Variants in EPHA6 observed in about 807,000 individuals in gnomAD.
EPHA6 encodes the protein EPH receptor A6, also known as ephrin type-A receptor 6.
EPHA6 carries 50 observed loss-of-function variants against 112.0 expected under a neutral mutation model. That is an observed-to-expected ratio of 0.45 (90% CI 0.36 to 0.56). The LOEUF (loss-of-function observed/expected upper bound fraction) is 0.56, where lower values mean the gene tolerates loss of function less well. Among genes scored for constraint, EPHA6 ranks in the 20% least tolerant of loss-of-function variants. The pLI is 0.00. For missense variants in EPHA6, 1,280 were observed against 1,417.4 expected (o/e 0.90, Z 1.56); for synonymous variants, 529 against 490.7 (o/e 1.08, Z -1.03).
intron 3 of EPHA6, among the ~76,000 whole-genome samples, chr3:97,016,327 CT>C (rs1031351189): frequency 1.3e-5 from 2 of 152,090 alleles, no homozygotes; most frequent in African/African-American, 4.8e-5. Flanking sequence ...TGATTCAAAG[CT>C]TTTTCTCTGA....
intron 2 of EPHA6, among the ~76,000 whole-genome samples, chr3:96,935,069 C>A (rs1031112115): frequency 2.6e-5 from 4 of 151,742 alleles, no homozygotes; most frequent in Non-Finnish European, 4.4e-5. Context: ...GATCCAGTAA[C>A]ACTAAGAGCA....
chr3:97,725,128 T>C (rs1234955102), intron 15 of EPHA6, among the ~76,000 whole-genome samples: 1 of 152,170 alleles, frequency 6.6e-6, no homozygotes, highest in Non-Finnish European at 1.5e-5. Context: ...GCAGGATTTT[T>C]AGTGCTTCAC....
At chr3:97,720,181 TA>T (rs2034462775) in intron 14 of EPHA6, 79 bp from the exon 15 acceptor site, 9 of 1,271,264 alleles carry the variant, frequency 7.1e-6, no homozygotes, top group South Asian at 4.3e-5. Context: ...ATCTTTCTAA[TA>T]AAAAATATTT....
intron 14 of EPHA6, among the ~76,000 whole-genome samples, chr3:97,717,819 A>G (rs905514169): frequency 5.9e-5 from 9 of 152,220 alleles, no homozygotes. Flanking sequence ...GGAAAGTGAT[A>G]ACGTTGTCAC....
intron 10 of EPHA6, among the ~76,000 whole-genome samples, chr3:97,504,070 A>T (rs2092187935): frequency 6.6e-6 from 1 of 152,224 alleles, no homozygotes; most frequent in Non-Finnish European, 1.5e-5. Context: ...AGCTATTAAA[A>T]CAGTAGAAGA....
intron 3 of EPHA6, among the ~76,000 whole-genome samples, chr3:97,167,261 G>A (rs945570697): frequency 6.6e-6 from 1 of 152,054 alleles, no homozygotes; most frequent in African/African-American, 2.4e-5. Context: ...ATACTTCTGA[G>A]GATCATTTAT....
intron 3 of EPHA6, among the ~76,000 whole-genome samples, chr3:97,013,420 A>ATATTATATT (rs769886161): frequency 2.4e-4 from 36 of 152,246 alleles, no homozygotes; most frequent in Admixed American, 8.5e-4. Flanking sequence ...CCCTACATCT[A>ATATTATATT]TATTATATTC....
At chr3:97,491,058 CT>C (rs2091825988) in intron 10 of EPHA6, among the ~76,000 whole-genome samples, 1 of 152,176 alleles carries the variant, frequency 6.6e-6, no homozygotes. Context: ...GCAACAGAGT[CT>C]GCTAGTAAGA....
intron 2 of EPHA6, among the ~76,000 whole-genome samples, chr3:96,979,442 G>T (rs2107810405): frequency 6.6e-6 from 1 of 152,152 alleles, no homozygotes; most frequent in South Asian, 2.1e-4. Context: ...TCTTAATCCA[G>T]TCTATCATTG....
chr3:97,179,374 A>T (rs1323023611), intron 3 of EPHA6, among the ~76,000 whole-genome samples: 3 of 151,950 alleles, frequency 2.0e-5, no homozygotes. Context: ...CAGGTGCCTT[A>T]TTTAATTCAT....
chr3:97,461,991 G>A (rs182449326), intron 7 of EPHA6, among the ~76,000 whole-genome samples: 36 of 152,248 alleles, frequency 2.4e-4, no homozygotes, highest in African/African-American at 8.2e-4. Context: ...TTAGAAGTTG[G>A]CCTACTTTTC....
At chr3:97,053,532 A>G (rs2045754035) in intron 3 of EPHA6, among the ~76,000 whole-genome samples, 1 of 152,104 alleles carries the variant, frequency 6.6e-6, no homozygotes, top group African/African-American at 2.4e-5. Context: ...ATCCAGGTAA[A>G]CTATAGAGAG....
At chr3:97,501,459 G>C (rs574260758) in intron 10 of EPHA6, among the ~76,000 whole-genome samples, 3 of 151,834 alleles carry the variant, frequency 2.0e-5, no homozygotes, top group Non-Finnish European at 4.4e-5. Flanking sequence ...GATTTTTATA[G>C]AATACATTTC....
chr3:97,075,653 T>G (rs907588628), intron 3 of EPHA6, among the ~76,000 whole-genome samples: 3 of 151,908 alleles, frequency 2.0e-5, no homozygotes, highest in Non-Finnish European at 2.9e-5. Flanking sequence ...ATATTAATTA[T>G]AGACATATCT....
At chr3:96,821,655 C>CA (rs1445499260) in intron 1 of EPHA6, among the ~76,000 whole-genome samples, 1 of 151,550 alleles carries the variant, frequency 6.6e-6, no homozygotes, top group Non-Finnish European at 1.5e-5. Flanking sequence ...TTTGTTTTCT[C>CA]AAAATCAAAT....
At chr3:96,883,776 C>T (rs1056038383) in intron 2 of EPHA6, among the ~76,000 whole-genome samples, 5 of 151,934 alleles carry the variant, frequency 3.3e-5, no homozygotes, top group African/African-American at 1.2e-4. Flanking sequence ...AAGTAATTCT[C>T]CCTGCCTCAG....
chr3:96,847,412 G>A (rs943198048), intron 1 of EPHA6, among the ~76,000 whole-genome samples: 3 of 151,748 alleles, frequency 2.0e-5, no homozygotes, highest in African/African-American at 7.3e-5. Context: ...TTCCAAAATG[G>A]TAGGATGATC....
chr3:97,631,513 G>C (rs2093902454), intron 13 of EPHA6, among the ~76,000 whole-genome samples: 1 of 151,974 alleles, frequency 6.6e-6, no homozygotes, highest in South Asian at 2.1e-4. Flanking sequence ...AAAGGCTAGT[G>C]TCATTTCTTA....
At chr3:97,117,619 T>A (rs554846883) in intron 3 of EPHA6, among the ~76,000 whole-genome samples, 1 of 151,902 alleles carries the variant, frequency 6.6e-6, no homozygotes, top group Non-Finnish European at 1.5e-5. Flanking sequence ...CAAAGATTGA[T>A]TACCTGTTAA....
Sources: gnomAD v4.1 joint callset for allele counts (sites outside exome capture counted in the v4.1 genomes callset) on GRCh38, gnomAD v4.1.1 for gene constraint, MANE v1.5 for transcripts, NCBI Gene and HGNC (gene_info 2026-07-23, HGNC 2026-07-21) for gene names.